The following SLC4A10 variants were observed in gnomAD, a reference collection of about 807,000 sequenced individuals.
The protein encoded by SLC4A10 is solute carrier family 4 member 10.
Under a neutral mutation model 137.7 loss-of-function variants are expected in SLC4A10, and 42 were observed. The ratio of observed to expected loss-of-function variants is 0.30; its 90% CI spans 0.24 to 0.39. SLC4A10 has a LOEUF of 0.39. SLC4A10 is among the 10% of genes least tolerant of loss of function. The pLI is 1.00. For synonymous variants in SLC4A10, 474 were observed against 464.1 expected (o/e 1.02, Z -0.27); for missense variants, 925 against 1,355.0 (o/e 0.68, Z 4.98).
intron 1 of SLC4A10, among the ~76,000 whole-genome samples, chr2:161,711,565 T>A (rs1007259061): frequency 1.3e-5 from 2 of 151,800 alleles, no homozygotes; most frequent in African/African-American, 4.8e-5. Flanking sequence ...TGCTGAAAGT[T>A]GCAGGAAGGT....
intron 25 of SLC4A10, 74 bp from the exon 26 acceptor site, chr2:161,977,648 A>G (rs1699594147): frequency 7.7e-7 from 1 of 1,293,026 alleles, no homozygotes; most frequent in Admixed American, 2.1e-5. Flanking sequence ...TACTATAATT[A>G]TAAAGTTCCT....
intron 3 of SLC4A10, among the ~76,000 whole-genome samples, chr2:161,818,848 A>G (rs1175574078): frequency 6.6e-6 from 1 of 152,136 alleles, no homozygotes; most frequent in African/African-American, 2.4e-5. Context: ...ATGGTGGATA[A>G]GTTTTTGATG....
chr2:161,955,276 A>C (rs1402652897), intron 19 of SLC4A10, among the ~76,000 whole-genome samples: 1 of 152,230 alleles, frequency 6.6e-6, no homozygotes, highest in Non-Finnish European at 1.5e-5. Context: ...TACATCTTCC[A>C]AAATGTTTTG....
chr2:161,680,076 A>G (rs1445193007), intron 1 of SLC4A10, among the ~76,000 whole-genome samples: 1 of 151,998 alleles, frequency 6.6e-6, no homozygotes, highest in Non-Finnish European at 1.5e-5. Flanking sequence ...TTTCTTTTCC[A>G]TAAAGACCTG....
At chr2:161,698,371 C>G (rs1408965981) in intron 1 of SLC4A10, among the ~76,000 whole-genome samples, 1 of 152,174 alleles carries the variant, frequency 6.6e-6, no homozygotes, top group Non-Finnish European at 1.5e-5. Flanking sequence ...GAGAGGGCAT[C>G]CCTGTCTTGT....
intron 1 of SLC4A10, among the ~76,000 whole-genome samples, chr2:161,765,608 CA>C (rs370721653): frequency 0.011 from 1,056 of 93,108 alleles, 6 homozygotes; most frequent in South Asian, 0.022. Context: ...GAGCAAGACT[CA>C]AAAAAAAAAA....
chr2:161,829,782 A>G (rs1041871812), intron 3 of SLC4A10, among the ~76,000 whole-genome samples: 4 of 152,212 alleles, frequency 2.6e-5, no homozygotes, highest in Non-Finnish European at 4.4e-5. Flanking sequence ...AATGGATCAC[A>G]GTTCCATATG....
chr2:161,938,354 T>C (rs1691971774), intron 15 of SLC4A10, among the ~76,000 whole-genome samples: 1 of 152,152 alleles, frequency 6.6e-6, no homozygotes, highest in Admixed American at 6.6e-5. Flanking sequence ...GACCAAGGCC[T>C]ATTGCCTGGG....
At chr2:161,977,572 G>C (rs936640170) in intron 25 of SLC4A10, 150 bp from the exon 26 acceptor site, 2 of 614,404 alleles carry the variant, frequency 3.3e-6, no homozygotes, top group Non-Finnish European at 5.6e-6. Flanking sequence ...TGAAGAAAGA[G>C]GAATTCCTAT....
chr2:161,856,973 T>G (rs149908876), intron 5 of SLC4A10, among the ~76,000 whole-genome samples: 2 of 152,320 alleles, frequency 1.3e-5, no homozygotes, highest in East Asian at 3.9e-4. Context: ...TTCTACCACC[T>G]GGCAAAATTA....
At chr2:161,660,615 T>A (rs199657320) in intron 1 of SLC4A10, among the ~76,000 whole-genome samples, 1 of 145,476 alleles carries the variant, frequency 6.9e-6, no homozygotes, top group Non-Finnish European at 1.5e-5. Context: ...TTTCTTTCTT[T>A]CTTTCTTTCT....
chr2:161,844,747 T>G (rs1048113743), intron 4 of SLC4A10, among the ~76,000 whole-genome samples: 2 of 152,090 alleles, frequency 1.3e-5, no homozygotes, highest in African/African-American at 2.4e-5. Flanking sequence ...ATAGGAGTAT[T>G]GTAGAGGAGA....
intron 3 of SLC4A10, among the ~76,000 whole-genome samples, chr2:161,813,038 C>A (rs2056704128): frequency 2.0e-5 from 3 of 151,970 alleles, no homozygotes; most frequent in South Asian, 4.2e-4. Flanking sequence ...CTGTCCTTTC[C>A]TGAATACTTT....
chr2:161,943,014 T>TAAAA (rs1693018433), intron 16 of SLC4A10, 117 bp downstream of exon 16: 1 of 669,152 alleles, frequency 1.5e-6, no homozygotes, highest in African/African-American at 1.8e-5. Context: ...AATAGTTGTG[T>TAAAA]TTTAATTTTA....
At chr2:161,898,111 A>G (rs1471984033) in intron 11 of SLC4A10, among the ~76,000 whole-genome samples, 2 of 152,086 alleles carry the variant, frequency 1.3e-5, no homozygotes, top group Admixed American at 1.3e-4. Flanking sequence ...GCAATTATCT[A>G]TATGTATGAC....
At chr2:161,631,956 C>T (rs939595509) in intron 1 of SLC4A10, among the ~76,000 whole-genome samples, 8 of 151,756 alleles carry the variant, frequency 5.3e-5, no homozygotes, top group Non-Finnish European at 1.0e-4. Context: ...AAGACTTGCT[C>T]ATTCATCATG....
chr2:161,947,521 C>A (rs1694042913), intron 16 of SLC4A10, 45 bp from the exon 17 acceptor site: 4 of 1,580,294 alleles, frequency 2.5e-6, no homozygotes, highest in Non-Finnish European at 3.4e-6. Flanking sequence ...AGAAATGTGT[C>A]CGGTTTTTTC....
At chr2:161,882,509 C>G in intron 10 of SLC4A10, 65 bp downstream of exon 10, 2 of 982,766 alleles carry the variant, frequency 2.0e-6, no homozygotes, top group Non-Finnish European at 3.0e-6. Flanking sequence ...TTTGGAGGTC[C>G]TCTTTTCATG....
chr2:161,903,482 T>C (rs1236987170), intron 12 of SLC4A10, among the ~76,000 whole-genome samples: 2 of 152,220 alleles, frequency 1.3e-5, no homozygotes, highest in Non-Finnish European at 2.9e-5. Flanking sequence ...TTTTGTTTGT[T>C]TGTTTTTTGG....
Sources: gnomAD v4.1 joint callset for allele counts (sites outside exome capture counted in the v4.1 genomes callset) on GRCh38, gnomAD v4.1.1 for gene constraint, MANE v1.5 for transcripts, NCBI Gene and HGNC (gene_info 2026-07-23, HGNC 2026-07-21) for gene names.